The following GRM7 variants were observed in gnomAD, a reference collection of about 807,000 sequenced individuals.
GRM7 encodes glutamate metabotropic receptor 7, also known as metabotropic glutamate receptor 7.
Under a neutral mutation model 84.5 loss-of-function variants are expected in GRM7, and 35 were observed. The observed-to-expected ratio is 0.41, with a 90% CI of 0.32 to 0.55. The LOEUF (loss-of-function observed/expected upper bound fraction) is 0.55, where lower values mean the gene tolerates loss of function less well. Among genes scored for constraint, GRM7 ranks in the 20% least tolerant of loss-of-function variants. GRM7 has a pLI of 0.19. For missense variants in GRM7, 1,003 were observed against 1,194.6 expected, an observed-to-expected ratio of 0.84 and a Z score of 2.36; for synonymous variants, 487 against 455.1, an observed-to-expected ratio of 1.07 and a Z score of -0.89.
intron 9 of GRM7, among the ~76,000 whole-genome samples, chr3:7,702,816 A>C (rs1701272682): frequency 6.6e-6 from 1 of 152,216 alleles, no homozygotes; most frequent in African/African-American, 2.4e-5. Context: ...TTATTGGAAC[A>C]GTCTCAGAGT....
intron 1 of GRM7, among the ~76,000 whole-genome samples, chr3:6,868,754 A>C (rs1695019807): frequency 6.6e-6 from 1 of 152,218 alleles, no homozygotes; most frequent in Non-Finnish European, 1.5e-5. Flanking sequence ...CACAGGAAGT[A>C]CATCCTAATA....
chr3:7,064,677 C>T (rs1445080168), intron 1 of GRM7, among the ~76,000 whole-genome samples: 1 of 150,734 alleles, frequency 6.6e-6, no homozygotes, highest in Non-Finnish European at 1.5e-5. Flanking sequence ...GTATCTTTTT[C>T]GAATAGTGTC....
intron 5 of GRM7, among the ~76,000 whole-genome samples, chr3:7,432,268 A>G (rs143799406): frequency 9.2e-5 from 14 of 152,360 alleles, no homozygotes; most frequent in African/African-American, 3.4e-4. Context: ...CTAGGAGTGA[A>G]CGCCAGTGTA....
In GRM7 at chr3:7,025,565, G is replaced by C. The variant is rs1238062220; in HGVS notation, c.520-120887G>C. ...TTCTCAATCATCTCTGTAAAGGCTG[G>C]GACATCAAATCCCTGAGTCATGCCT... On this transcript the variant is annotated intron_variant, in intron 1 of 9. Transcript: ENST00000357716. Among the ~76,000 whole-genome samples the C allele has an allele frequency of 2.0e-5, 3 of 152,062 alleles. No individual in the cohort carries two copies. In the East Asian group the frequency reaches 5.8e-4, roughly 29 times the overall value.
intron 1 of GRM7, among the ~76,000 whole-genome samples, chr3:6,871,542 G>A (rs976948039): frequency 7.3e-5 from 11 of 151,424 alleles, no homozygotes; most frequent in African/African-American, 2.4e-4. Context: ...AATATGACGG[G>A]AAATTTTATC....
intron 1 of GRM7, among the ~76,000 whole-genome samples, chr3:7,064,588 C>T (rs1266942816): frequency 2.0e-5 from 3 of 148,400 alleles, no homozygotes; most frequent in South Asian, 4.3e-4. Flanking sequence ...TCTTTATCCT[C>T]TCATTGATTG....
In GRM7 at chr3:7,000,325, T is replaced by C. The variant is rs1236034927; in HGVS notation, c.519+138418T>C. Among the ~76,000 whole-genome samples the C allele has an allele frequency of 2.6e-5, 4 of 152,068 alleles. No individual in the cohort carries two copies. The East Asian group carries it at 5.8e-4, about 22-fold the overall frequency. On this transcript the variant is annotated intron_variant, in intron 1 of 9. Transcript: ENST00000357716. Reference sequence around the variant, plus strand: ...TAGCTGAGATTACAGGTGCCTGCAATTGCACCTGGCTAATATGTTATTTTA... The same window carrying C: ...TAGCTGAGATTACAGGTGCCTGCAACTGCACCTGGCTAATATGTTATTTTA...
chr3:7,735,299 G>GTGAT (rs748262466), intron 9 of GRM7, among the ~76,000 whole-genome samples: 4 of 140,556 alleles, frequency 2.8e-5, no homozygotes, highest in Non-Finnish European at 4.6e-5. Flanking sequence ...AATGACTAAA[G>GTGAT]TGATAGGCAG....
chr3:7,476,829 T>G (rs1237691577), intron 7 of GRM7, among the ~76,000 whole-genome samples: 1 of 152,154 alleles, frequency 6.6e-6, no homozygotes, highest in African/African-American at 2.4e-5. Context: ...TCTGTCACAT[T>G]CTGTCTGACA....
chr3:7,569,283 G>A (rs887970706), intron 7 of GRM7, among the ~76,000 whole-genome samples: 5 of 152,164 alleles, frequency 3.3e-5, no homozygotes, highest in African/African-American at 4.8e-5. Context: ...ACACCAATCA[G>A]TACCCTATGT....
chr3:7,446,344 C>T (rs1697505404), intron 5 of GRM7, among the ~76,000 whole-genome samples: 1 of 152,092 alleles, frequency 6.6e-6, no homozygotes. Flanking sequence ...ATCTGTGTGT[C>T]TCAGTCTACA....
chr3:6,878,301 C>G (rs959806454), intron 1 of GRM7, among the ~76,000 whole-genome samples: 8 of 150,844 alleles, frequency 5.3e-5, no homozygotes, highest in South Asian at 2.1e-4. Context: ...ATGTATTATT[C>G]AAAATTATCA....
At chr3:7,093,199 A>G (rs2125011153) in intron 1 of GRM7, among the ~76,000 whole-genome samples, 1 of 152,162 alleles carries the variant, frequency 6.6e-6, no homozygotes, top group African/African-American at 2.4e-5. Context: ...GGGAATTAAA[A>G]TATGTACTTT....
intron 1 of GRM7, among the ~76,000 whole-genome samples, chr3:6,929,542 T>TC (rs1697424931): frequency 6.6e-6 from 1 of 152,110 alleles, no homozygotes; most frequent in Admixed American, 6.6e-5. Context: ...TATTTTTTTT[T>TC]CCCAGGGACA....
intron 9 of GRM7, among the ~76,000 whole-genome samples, chr3:7,695,925 A>C (rs1391980058): frequency 6.6e-6 from 1 of 152,206 alleles, no homozygotes; most frequent in Non-Finnish European, 1.5e-5. Context: ...ATTAATGAGA[A>C]TTAAATAATC....
At chr3:7,641,644 G>T (rs1171917143) in intron 8 of GRM7, among the ~76,000 whole-genome samples, 1 of 152,124 alleles carries the variant, frequency 6.6e-6, no homozygotes, top group African/African-American at 2.4e-5. Flanking sequence ...GCTCCCAGAT[G>T]ATTCTAATGT....
chr3:7,287,436 A>G (rs1699469241), intron 2 of GRM7, among the ~76,000 whole-genome samples: 1 of 151,984 alleles, frequency 6.6e-6, no homozygotes, highest in African/African-American at 2.4e-5. Context: ...ATTGTTAACA[A>G]CTCAGTCGAT....
chr3:7,064,133 G>C (rs988743490), intron 1 of GRM7, among the ~76,000 whole-genome samples: 5 of 150,960 alleles, frequency 3.3e-5, no homozygotes, highest in African/African-American at 1.2e-4. Flanking sequence ...GGTGGTATCT[G>C]GTTACATGTG....
intron 5 of GRM7, among the ~76,000 whole-genome samples, chr3:7,430,101 A>G (rs1696766745): frequency 6.6e-6 from 1 of 152,232 alleles, no homozygotes; most frequent in South Asian, 2.1e-4. Context: ...CATGGATACT[A>G]TAGAGAGACC....
Sources: allele counts gnomAD v4.1 joint callset (sites outside exome capture counted in the v4.1 genomes callset), GRCh38; gene constraint gnomAD v4.1.1; transcripts MANE v1.5; gene names NCBI Gene and HGNC (gene_info 2026-07-23, HGNC 2026-07-21).